The following GPR161 variants were observed in gnomAD, a reference collection of about 807,000 sequenced individuals.
GPR161 encodes G protein-coupled receptor 161.
Under a neutral mutation model 39.2 loss-of-function variants are expected in GPR161, and 25 were observed. That is an observed-to-expected ratio of 0.64 (90% CI 0.47 to 0.89). GPR161 has a LOEUF of 0.89. Ranked by LOEUF, GPR161 falls within the 40% of genes least tolerant of loss-of-function variation. GPR161 has a pLI of 0.00. For missense variants in GPR161, 547 were observed against 677.8 expected (o/e 0.81, Z 2.14); for synonymous variants, 286 against 276.6 (o/e 1.03, Z -0.34).
rs570139876 is a variant in GPR161 at position 168,130,060 on chromosome 1, G to A, written c.-45+6679C>T. The stretch of plus-strand genomic sequence containing the variant: ...CTGAGCTCCTCTCTCCTGTCTCTCC[G>A]TCCTTTAGTTCCTTACCAGTCTTGC... On this transcript the variant is annotated intron_variant, in intron 1 of 5. Transcript: ENST00000682931. 5.9e-5 allele frequency among the ~76,000 whole-genome samples: 9 copies of A among 152,156 alleles called. No homozygotes were observed. The East Asian group carries it at 7.7e-4, about 13-fold the overall frequency.
Position 168,085,782 on chromosome 1 carries a change from A to C in GPR161, c.1339T>G (p.Ser447Ala). The C allele has an allele frequency of 6.2e-7, 1 of 1,610,498 alleles. No homozygotes were observed. Among genetic ancestry groups the C allele is most frequent in the Non-Finnish European group, 8.5e-7 (1 of 1,176,972 alleles). Residue 447 changes from serine (S) to alanine (A), a missense_variant, in exon 6 of 6, where the codon TCG becomes GCG. Coordinates refer to ENST00000682931, the MANE Select transcript of GPR161 (RefSeq NM_001375883.1). ...ACTTCAGCTTTCACATGAAGAATCG[A>C]GTTCTTGGCAGCTTCTGAGGGAGAA... Reference protein sequence around the residue: ...VEQIKEAAKNSILHVKAEVHK... With the variant: ...VEQIKEAAKNAILHVKAEVHK...
At chr1:168,092,764 G>A (rs1182281404) in intron 3 of GPR161, among the ~76,000 whole-genome samples, 2 of 152,180 alleles carry the variant, frequency 1.3e-5, no homozygotes, top group African/African-American at 4.8e-5. Context: ...AAAGGCTCTG[G>A]GGTCACCCTC....
Position 168,080,229 on chromosome 1 carries a change from G to A in GPR161, c.*5302C>T, listed in dbSNP as rs2102069910. On this transcript the variant is annotated 3_prime_UTR_variant, in exon 6 of 6. Transcript: ENST00000682931. The stretch of plus-strand genomic sequence containing the variant: ...CTCCCAAGATCCTTGGTTTATAATA[G>A]TTCTACATACCTAATAAAGCCCTGC... 2 of 152,212 alleles carry A rather than the reference G, an allele frequency of 1.3e-5. No individual in the cohort carries two copies. The highest frequency in any genetic ancestry group is 3.9e-4 in the East Asian group (2 of 5,186). 9.4% of individuals were successfully genotyped at this position (152,212 alleles called of 1,614,324 possible).
At position 168,098,946 on chromosome 1, in the gene GPR161, A is replaced by T. The variant is rs1695820290; in HGVS notation, c.375-1714T>A. On this transcript the variant is annotated intron_variant, in intron 2 of 5. Transcript: ENST00000682931. The surrounding 1 kb of genome is among the most constrained non-coding windows in gnomAD (Gnocchi z 4.1). ...CTATGTGACCTCAGCTAATTGATGTAACCTCTCAGAGCTTCAGTTCCCTCA... is the reference window on the plus strand; with the variant it reads ...CTATGTGACCTCAGCTAATTGATGTTACCTCTCAGAGCTTCAGTTCCCTCA... Among the ~76,000 whole-genome samples the T allele has an allele frequency of 1.3e-5, 2 of 152,186 alleles. No homozygotes were observed. Among genetic ancestry groups the T allele is most frequent in the South Asian group, 2.1e-4 (1 of 4,826 alleles).
rs1433852526 is a variant in GPR161, at chr1:168,130,735, C to T, written c.-45+6004G>A. On this transcript the variant is annotated intron_variant, in intron 1 of 5. Transcript: ENST00000682931. The stretch of plus-strand genomic sequence containing the variant: ...TTTGGTGCTCCAGATTCATATCCAC[C>T]CACCTTGTAGATGTTGTCTCCCATA... 2.6e-5 allele frequency among the ~76,000 whole-genome samples: 4 copies of T among 152,286 alleles called. No individual in the cohort carries two copies. In the East Asian group the frequency reaches 7.7e-4, roughly 29 times the overall value.
intron 1 of GPR161, among the ~76,000 whole-genome samples, chr1:168,119,961 T>A (rs1194665357): frequency 6.6e-6 from 1 of 152,186 alleles, no homozygotes; most frequent in Non-Finnish European, 1.5e-5. Context: ...GGCAGAGCCC[T>A]CATGAAGAAA....
At chr1:168,123,574 ACAC>A (rs1698365115) in intron 1 of GPR161, among the ~76,000 whole-genome samples, 2 of 141,096 alleles carry the variant, frequency 1.4e-5, no homozygotes, top group African/African-American at 2.6e-5. Context: ...ACACACACAC[ACAC>A]ACTTGTTTGC....
Position 168,096,981 on chromosome 1 carries a change from C to A in GPR161, c.626G>T (p.Gly209Val). The change falls in exon 3 of 6, where the codon GGC becomes GTC. Residue 209 changes from glycine to valine, a missense_variant. Gly to Val is a moderately radical substitution (Grantham distance 109, BLOSUM62 -3). Coordinates refer to ENST00000682931, the MANE Select transcript of GPR161 (RefSeq NM_001375883.1). ...GACCCTGGCCACGCGGAAGATGAAG[C>A]CATAGCACACCAGCATGACCAGAAA... ...FPFLVMLVCY[G>V]FIFRVARVKA... is the part of the protein sequence containing the mutation. 1 of 1,614,160 alleles carries A rather than the reference C, an allele frequency of 6.2e-7. No individual in the cohort carries two copies. Among genetic ancestry groups the A allele is most frequent in the South Asian group, 1.1e-5 (1 of 91,084 alleles).
In GPR161 at chr1:168,085,117, G is replaced by C; in HGVS notation, c.*414C>G. 1 of 460,462 alleles carries C rather than the reference G, an allele frequency of 2.2e-6. No homozygotes were observed. Among genetic ancestry groups the C allele is most frequent in the South Asian group, 1.6e-5 (1 of 64,462 alleles). The allele number at this position is 460,462 out of a possible 1,614,324, so 28.5% of individuals were successfully genotyped here. On this transcript the variant is annotated 3_prime_UTR_variant, in exon 6 of 6. Coordinates refer to ENST00000682931, the MANE Select transcript of GPR161 (RefSeq NM_001375883.1). ...CACTGGGGAGGGTTCTCCTCCTGAG[G>C]CATCTGGCACAGTGCACGGCTGGAC...
intron 1 of GPR161, chr1:168,114,577 G>A (rs1054604470): frequency 2.7e-5 from 4 of 150,852 alleles, no homozygotes; most frequent in African/African-American, 9.7e-5. Flanking sequence ...AAAAGGCACA[G>A]ATGCTGAAGC....
chr1:168,087,827 G>T, intron 4 of GPR161, 123 bp from the exon 5 acceptor site: 1 of 976,736 alleles, frequency 1.0e-6, no homozygotes, highest in Non-Finnish European at 1.5e-6. Context: ...ATCAAGTGGA[G>T]CTGACTGCGC....
At chr1:168,132,481 G>A (rs890267175) in intron 1 of GPR161, among the ~76,000 whole-genome samples, 51 of 151,176 alleles carry the variant, frequency 3.4e-4, no homozygotes, top group African/African-American at 1.0e-3. Context: ...CCAGCTACTC[G>A]GGAGGCTGAG....
intron 1 of GPR161, among the ~76,000 whole-genome samples, chr1:168,112,479 CAAAAAAAAAAAAAAA>C (rs57030886): frequency 3.2e-5 from 2 of 63,068 alleles, no homozygotes; most frequent in African/African-American, 1.1e-4. Context: ...GACTCCGTCT[CAAAAAAAAAAAAAAA>C]AAAAAAAAAA....
Position 168,101,353 on chromosome 1 carries a change from G to A in GPR161, c.374+3124C>T, listed in dbSNP as rs145708942. Among the ~76,000 whole-genome samples the A allele has an allele frequency of 4.0e-3, 611 of 152,288 alleles. 4 individuals carry two copies. Among genetic ancestry groups the A allele is most frequent in the Middle Eastern group, 0.014 (4 of 294 alleles). Reference sequence around the variant, plus strand: ...TAGACATTTTGGGCTGTCACGACTGGGGAGGTGTTCCAGCATCTGGTGGGT... The same window carrying A: ...TAGACATTTTGGGCTGTCACGACTGAGGAGGTGTTCCAGCATCTGGTGGGT... On this transcript the variant is annotated intron_variant, in intron 2 of 5. Transcript: ENST00000682931.
chr1:168,115,920 C>T (rs1364583994), intron 1 of GPR161, among the ~76,000 whole-genome samples: 3 of 152,052 alleles, frequency 2.0e-5, no homozygotes, highest in African/African-American at 4.8e-5. Flanking sequence ...AGACTACAGG[C>T]GCCCGCCACC....
intron 3 of GPR161, among the ~76,000 whole-genome samples, chr1:168,095,909 C>T (rs1282977609): frequency 2.0e-5 from 3 of 151,748 alleles, no homozygotes; most frequent in Non-Finnish European, 4.4e-5. Flanking sequence ...CTGAGGTGGG[C>T]GGATCACTTG....
At chr1:168,130,077 C>T (rs919650878) in intron 1 of GPR161, among the ~76,000 whole-genome samples, 12 of 152,182 alleles carry the variant, frequency 7.9e-5, no homozygotes, top group African/African-American at 2.9e-4. Flanking sequence ...AGTTCCTTAC[C>T]AGTCTTGCTT....
chr1:168,109,602 C>T (rs889221278), intron 1 of GPR161, among the ~76,000 whole-genome samples: 19 of 152,212 alleles, frequency 1.2e-4, no homozygotes, highest in Admixed American at 3.3e-4. Context: ...TAACTTGAGG[C>T]TCTGGGCAGG....
Position 168,085,500 on chromosome 1 carries a change from C to A in GPR161, c.*31G>T. 1 of 1,590,284 alleles carries A rather than the reference C, an allele frequency of 6.3e-7. No homozygotes were observed. The highest frequency in any genetic ancestry group is 1.1e-5 in the South Asian group (1 of 89,254). ...GGAACTCCTCCCCGGGCCAGCCTCT[C>A]AGGCTGCAGCCCCACGGCACCCTGA... On this transcript the variant is annotated 3_prime_UTR_variant, in exon 6 of 6. Transcript: ENST00000682931.
Sources: allele counts gnomAD v4.1 joint callset (sites outside exome capture counted in the v4.1 genomes callset), GRCh38; gene constraint gnomAD v4.1.1; non-coding constraint Gnocchi (gnomAD v3.1); transcripts MANE v1.5; gene names NCBI Gene and HGNC (gene_info 2026-07-23, HGNC 2026-07-21).